Variants in DPP6 observed in about 807,000 individuals in gnomAD.
DPP6 encodes dipeptidyl peptidase like 6.
Under a neutral mutation model 122.6 loss-of-function variants are expected in DPP6, and 69 were observed. That is an observed-to-expected ratio of 0.56 (90% confidence interval 0.46 to 0.69). DPP6 has a LOEUF of 0.69. DPP6 is among the 30% of genes least tolerant of loss of function. The pLI is 0.00. For missense variants in DPP6, 928 were observed against 1,116.9 expected, an observed-to-expected ratio of 0.83 and a Z score of 2.41; for synonymous variants, 418 against 433.1, an observed-to-expected ratio of 0.97 and a Z score of 0.43.
intron 5 of DPP6, among the ~76,000 whole-genome samples, chr7:154,623,915 A>G (rs1256860927): frequency 6.6e-6 from 1 of 152,228 alleles, no homozygotes; most frequent in Non-Finnish European, 1.5e-5. Flanking sequence ...TTTCAAAACT[A>G]TATAGAGGGC....
At chr7:154,369,360 G>C (rs374559827) in intron 1 of DPP6, among the ~76,000 whole-genome samples, 1 of 152,048 alleles carries the variant, frequency 6.6e-6, no homozygotes, top group South Asian at 2.1e-4. Context: ...CTAACTTTGT[G>C]TCAACTGTTT....
At chr7:154,040,865 G>A (rs1422421720) in intron 1 of DPP6, among the ~76,000 whole-genome samples, 3 of 149,506 alleles carry the variant, frequency 2.0e-5, no homozygotes, top group Non-Finnish European at 3.0e-5. Flanking sequence ...CCGGGAAGAG[G>A]ATTTCAAGCC....
At chr7:154,149,746 T>C (rs1253138788) in intron 1 of DPP6, among the ~76,000 whole-genome samples, 1 of 152,132 alleles carries the variant, frequency 6.6e-6, no homozygotes, top group Non-Finnish European at 1.5e-5. Flanking sequence ...GGGGAAGTTC[T>C]GGGATGAAGA....
chr7:154,594,105 A>T (rs74402582), intron 5 of DPP6, among the ~76,000 whole-genome samples: 1,575 of 151,516 alleles, frequency 0.01, 13 homozygotes, highest in Non-Finnish European at 0.016. Context: ...TCTTTAAAGG[A>T]TCACTCTAGC....
At chr7:154,528,013 C>A (rs1389676925) in intron 3 of DPP6, among the ~76,000 whole-genome samples, 2 of 151,562 alleles carry the variant, frequency 1.3e-5, no homozygotes, top group Non-Finnish European at 2.9e-5. Context: ...AAAAAGGAAT[C>A]ATCTTCCTAG....
chr7:153,890,913 G>T (rs1349426545), intron 1 of DPP6, among the ~76,000 whole-genome samples: 1 of 148,560 alleles, frequency 6.7e-6, no homozygotes, highest in East Asian at 2.0e-4. Flanking sequence ...GGCCAGGCTG[G>T]TCTTGAACCC....
At chr7:154,689,261 G>C (rs1415963009) in intron 7 of DPP6, among the ~76,000 whole-genome samples, 2 of 152,312 alleles carry the variant, frequency 1.3e-5, no homozygotes, top group East Asian at 3.9e-4. Context: ...TTTCAGGAAG[G>C]CCATTTCTAT....
At chr7:154,009,823 C>T (rs2629011) in intron 1 of DPP6, among the ~76,000 whole-genome samples, 37,565 of 141,880 alleles carry the variant, frequency 0.26, 7,451 homozygotes, top group African/African-American at 0.56. Flanking sequence ...AGCTAAATTA[C>T]ATAACCCAAG....
At chr7:154,301,560 G>A (rs573705066) in intron 1 of DPP6, among the ~76,000 whole-genome samples, 6 of 152,142 alleles carry the variant, frequency 3.9e-5, no homozygotes, top group South Asian at 2.1e-4. Flanking sequence ...CTTTGACCAC[G>A]GAGCTCTAGA....
the DPP6 span, among the ~76,000 whole-genome samples, chr7:153,801,796 C>A: frequency 1.3e-5 from 2 of 152,100 alleles, no homozygotes; most frequent in African/African-American, 2.4e-5. Flanking sequence ...TTCAGAGAGC[C>A]CTTGAGGCAG....
intron 1 of DPP6, among the ~76,000 whole-genome samples, chr7:154,303,081 A>G (rs1252208417): frequency 6.6e-6 from 1 of 152,204 alleles, no homozygotes; most frequent in African/African-American, 2.4e-5. Flanking sequence ...CCTCAGGTTC[A>G]AGCGATTCTC....
chr7:154,887,773 T>C (rs1190889622), intron 23 of DPP6, 39 bp downstream of exon 23: 3 of 1,610,898 alleles, frequency 1.9e-6, no homozygotes, highest in Non-Finnish European at 1.7e-6. Flanking sequence ...ATGAGACCAG[T>C]CAGCCTCTGC....
At chr7:154,773,173 T>TGAGA (rs1796349823) in intron 10 of DPP6, among the ~76,000 whole-genome samples, 1 of 152,208 alleles carries the variant, frequency 6.6e-6, no homozygotes, top group South Asian at 2.1e-4. Context: ...GTTATCCTCC[T>TGAGA]GAGAGCTGGG....
chr7:154,659,427 CG>C (rs1433286582), intron 6 of DPP6, among the ~76,000 whole-genome samples: 1 of 152,182 alleles, frequency 6.6e-6, no homozygotes, highest in Non-Finnish European at 1.5e-5. Flanking sequence ...CACATATATA[CG>C]TTGTGTGTAT....
At chr7:154,382,869 G>A (rs962888942) in intron 1 of DPP6, among the ~76,000 whole-genome samples, 6 of 152,154 alleles carry the variant, frequency 3.9e-5, no homozygotes, top group Non-Finnish European at 7.3e-5. Flanking sequence ...GGGTTTACAG[G>A]CACGCACCAC....
At chr7:154,411,838 A>G (rs1816630127) in intron 1 of DPP6, among the ~76,000 whole-genome samples, 2 of 152,138 alleles carry the variant, frequency 1.3e-5, no homozygotes, top group Admixed American at 6.5e-5. Context: ...ACTTATTGCA[A>G]GAGCATCCTG....
chr7:154,690,568 G>C (rs1329276598), intron 7 of DPP6, among the ~76,000 whole-genome samples: 1 of 152,104 alleles, frequency 6.6e-6, no homozygotes, highest in Non-Finnish European at 1.5e-5. Context: ...TCAGCCTACA[G>C]CGAGAGAGGA....
rs868799919 is a variant in DPP6 at position 154,072,284 on chromosome 7, A to T, written c.243+19221A>T. Among the ~76,000 whole-genome samples, 11 of 152,382 alleles carry T rather than the reference A, an allele frequency of 7.2e-5. No individual in the cohort carries two copies. The South Asian group carries it at 1.9e-3, about 26-fold the overall frequency. The stretch of plus-strand genomic sequence containing the variant: ...CATGAGAAAGGCTCTTCTTTGAAGA[A>T]TCAATTGCTTATCCATGGTGTTAGT... On this transcript the variant is annotated intron_variant, in intron 1 of 25. Coordinates refer to ENST00000377770, the MANE Select transcript of DPP6 (RefSeq NM_130797.4).
rs1464738724 is a variant in DPP6 at position 154,806,862 on chromosome 7, GA to G, written c.1548-131del. 3 of 1,212,280 alleles carry G rather than the reference GA, an allele frequency of 2.5e-6. No individual in the cohort carries two copies. The African/African-American group carries it at 4.6e-5, about 19-fold the overall frequency. 75.1% of individuals were successfully genotyped at this position (1,212,280 alleles called of 1,614,324 possible). On this transcript the variant is annotated intron_variant, in intron 15 of 25. Coordinates refer to ENST00000377770, the MANE Select transcript of DPP6 (RefSeq NM_130797.4). ...AGGGGCTCCAGCAGGGAGACAGAGG[GA>G]GAGGCCCGGGGGGTCTGTAGCAGGG...
Sources: allele counts gnomAD v4.1 joint callset (sites outside exome capture counted in the v4.1 genomes callset), GRCh38; gene constraint gnomAD v4.1.1; transcripts MANE v1.5; gene names NCBI Gene and HGNC (gene_info 2026-07-23, HGNC 2026-07-21).